The following TBC1D5 variants were observed in gnomAD, a reference collection of about 807,000 sequenced individuals.
TBC1D5 encodes TBC1 domain family, member 5.
TBC1D5 carries 75 observed loss-of-function variants against 100.3 expected under a neutral mutation model. The ratio of observed to expected loss-of-function variants is 0.75; its 90% CI spans 0.62 to 0.91. The LOEUF is 0.91. Among genes scored for constraint, TBC1D5 ranks in the 40% least tolerant of loss-of-function variants. The pLI, the probability that TBC1D5 is intolerant of heterozygous loss-of-function variation, is 0.00. For missense variants in TBC1D5, 910 were observed against 942.4 expected (o/e 0.97, Z 0.45); for synonymous variants, 323 against 325.6 (o/e 0.99, Z 0.09).
chr3:17,630,913 G>A (rs1206243348), intron 1 of TBC1D5, among the ~76,000 whole-genome samples: 3 of 150,850 alleles, frequency 2.0e-5, no homozygotes, highest in Admixed American at 6.6e-5. Context: ...GTGTGGTTGC[G>A]GGGGCCTGTA....
At chr3:17,542,327 A>AT (rs2096366625) in intron 2 of TBC1D5, among the ~76,000 whole-genome samples, 1 of 152,156 alleles carries the variant, frequency 6.6e-6, no homozygotes, top group Admixed American at 6.5e-5. Flanking sequence ...TTATAAAAAC[A>AT]TATTAGAATA....
intron 13 of TBC1D5, among the ~76,000 whole-genome samples, chr3:17,322,031 T>C (rs2085475451): frequency 6.6e-6 from 1 of 152,342 alleles, no homozygotes. Context: ...TGCATTCCTA[T>C]GTATTTCTCC....
chr3:17,350,137 G>T (rs1575469800), intron 13 of TBC1D5, among the ~76,000 whole-genome samples: 2 of 152,036 alleles, frequency 1.3e-5, no homozygotes, highest in Non-Finnish European at 2.9e-5. Flanking sequence ...TTTTGTTGTT[G>T]TTGTATTAAT....
At chr3:17,423,967 C>T (rs751476392) in intron 4 of TBC1D5, among the ~76,000 whole-genome samples, 26 of 151,554 alleles carry the variant, frequency 1.7e-4, no homozygotes, top group South Asian at 6.2e-4. Flanking sequence ...TATAGAGACA[C>T]AAAAAGCTTA....
chr3:17,160,283 AT>A (rs1474655483), exon 22 of TBC1D5: 1 of 152,246 alleles, frequency 6.6e-6, no homozygotes, highest in East Asian at 1.9e-4. Flanking sequence ...CATCAAAAAA[AT>A]CTAACACTAT....
chr3:17,231,663 A>T (rs899533664), intron 17 of TBC1D5, among the ~76,000 whole-genome samples: 1 of 152,022 alleles, frequency 6.6e-6, no homozygotes, highest in African/African-American at 2.4e-5. Context: ...TTCTGCTACC[A>T]CTATTTTGGT....
chr3:17,349,179 C>T (rs1287799546), intron 13 of TBC1D5, among the ~76,000 whole-genome samples: 1 of 152,102 alleles, frequency 6.6e-6, no homozygotes, highest in Non-Finnish European at 1.5e-5. Context: ...TTTATTTTTG[C>T]TTCAATTAGT....
chr3:17,658,769 T>G (rs1257685923), intron 1 of TBC1D5, among the ~76,000 whole-genome samples: 1 of 152,142 alleles, frequency 6.6e-6, no homozygotes, highest in East Asian at 1.9e-4. Context: ...TTCAAGCGAT[T>G]CTCGTGCCTC....
At chr3:17,639,117 T>C (rs1285098029) in intron 1 of TBC1D5, among the ~76,000 whole-genome samples, 2 of 152,126 alleles carry the variant, frequency 1.3e-5, no homozygotes, top group African/African-American at 4.8e-5. Context: ...ACAACATAAA[T>C]GTCCGTGGAA....
chr3:17,184,912 A>AATCCCTCTATGCCTTGGTTTCTTC, intron 19 of TBC1D5, 197 bp downstream of exon 20: 1 of 341,848 alleles, frequency 2.9e-6, no homozygotes, highest in Non-Finnish European at 5.3e-6. Flanking sequence ...GCATTTTCTT[A>AATCCCTCTATGCCTTGGTTTCTTC]ATCCCTCTAT....
At chr3:17,484,429 T>C (rs922471712) in intron 3 of TBC1D5, among the ~76,000 whole-genome samples, 1 of 148,984 alleles carries the variant, frequency 6.7e-6, no homozygotes, top group Non-Finnish European at 1.5e-5. Flanking sequence ...CTGAGGTGAC[T>C]TTTAAAGATA....
chr3:17,498,653 G>A (rs1248036983), intron 3 of TBC1D5, among the ~76,000 whole-genome samples: 1 of 152,140 alleles, frequency 6.6e-6, no homozygotes, highest in Non-Finnish European at 1.5e-5. Flanking sequence ...ATCTACAAAT[G>A]TAATGTAGAC....
chr3:17,741,894 G>C (rs1387605334), upstream of TBC1D5, among the ~76,000 whole-genome samples: 1 of 143,162 alleles, frequency 7.0e-6, no homozygotes, highest in African/African-American at 2.6e-5. Context: ...ACTAAATCCA[G>C]GTCACGGTTC....
chr3:17,392,317 G>A (rs914936586), intron 8 of TBC1D5, among the ~76,000 whole-genome samples: 5 of 151,984 alleles, frequency 3.3e-5, no homozygotes, highest in Non-Finnish European at 5.9e-5. Context: ...CCAGTCTTAT[G>A]CTAACATCTT....
chr3:17,580,522 T>C (rs2096687210), intron 2 of TBC1D5, among the ~76,000 whole-genome samples: 1 of 152,184 alleles, frequency 6.6e-6, no homozygotes, highest in Non-Finnish European at 1.5e-5. Flanking sequence ...GAATAAACCA[T>C]CCATGCTGCT....
chr3:17,339,212 T>C lies in TBC1D5; in HGVS notation c.996-31078A>G, dbSNP rs189396957. Among the ~76,000 whole-genome samples the C allele has an allele frequency of 6.8e-4, 103 of 152,362 alleles. 1 individual carries two copies. The East Asian group carries it at 0.019, about 28-fold the overall frequency. ...TCATGGCACACTATGAAAACTTGAT[T>C]AATAACACTGAAGATATTGTTGTGG... On this transcript the variant is annotated intron_variant, in intron 13 of 21. Transcript: ENST00000253692.
At chr3:17,569,769 TTA>T (rs1172951026) in intron 2 of TBC1D5, among the ~76,000 whole-genome samples, 2 of 151,172 alleles carry the variant, frequency 1.3e-5, no homozygotes, top group Non-Finnish European at 3.0e-5. Flanking sequence ...CAATATATAT[TTA>T]TATATTTGTA....
intron 14 of TBC1D5, among the ~76,000 whole-genome samples, chr3:17,302,583 C>A (rs114728217): frequency 1.3e-5 from 2 of 152,142 alleles, no homozygotes; most frequent in African/African-American, 4.8e-5. Context: ...GGGATGTGTT[C>A]CTTTGAGAAA....
At chr3:17,683,007 T>G (rs879087467) in intron 1 of TBC1D5, among the ~76,000 whole-genome samples, 1 of 151,476 alleles carries the variant, frequency 6.6e-6, no homozygotes, top group African/African-American at 2.5e-5. Context: ...GAAAACAGGT[T>G]GGAAAGATCT....
Sources: allele counts gnomAD v4.1 joint callset (sites outside exome capture counted in the v4.1 genomes callset), GRCh38; gene constraint gnomAD v4.1.1; transcripts MANE v1.5; gene names NCBI Gene and HGNC (gene_info 2026-07-23, HGNC 2026-07-21).